TRPS1: variants seen among roughly 807,000 people sequenced by gnomAD.
TRPS1 encodes the protein transcriptional repressor GATA binding 1, also known as zinc finger transcription factor Trps1.
TRPS1 carries 6 observed loss-of-function variants against 101.2 expected under a neutral mutation model. That is an observed-to-expected ratio of 0.06 (90% CI 0.03 to 0.12). TRPS1 has a LOEUF of 0.12. Among genes scored for constraint, TRPS1 ranks in the 10% least tolerant of loss-of-function variants. The pLI is 1.00. For synonymous variants in TRPS1, 578 were observed against 589.8 expected (o/e 0.98, Z 0.29); for missense variants, 1,363 against 1,567.0 (o/e 0.87, Z 2.20).
rs745619353 is a variant in TRPS1, at chr8:115,414,479, G to A, written c.3429C>T (p.His1143=). Residue 1143 remains histidine, a synonymous_variant, in exon 7 of 7, where the codon CAC becomes CAT. Coordinates refer to ENST00000395715, the MANE Select transcript of TRPS1 (RefSeq NM_014112.5). The surrounding 1 kb of genome is among the most constrained non-coding windows in gnomAD (Gnocchi z 4.8). ...SVPGNPHYLS[H]VPGLPNPCQN... ...GGCAAGGATTTGGTAGGCCAGGCAC[G>A]TGACTCAAGTAGTGCGGATTCCCAG... 5.0e-6 allele frequency: 8 copies of A among 1,613,940 alleles called. No individual in the cohort carries two copies. The highest frequency in any genetic ancestry group is 6.8e-6 in the Non-Finnish European group (8 of 1,179,948).
intron 1 of TRPS1, among the ~76,000 whole-genome samples, chr8:115,624,764 A>T (rs1232120085): frequency 6.6e-6 from 1 of 151,890 alleles, no homozygotes; most frequent in African/African-American, 2.4e-5. Context: ...ATTAGAGCTT[A>T]AAAATAATTC....
At chr8:115,505,871 G>A (rs903415678) in intron 5 of TRPS1, among the ~76,000 whole-genome samples, 2 of 152,028 alleles carry the variant, frequency 1.3e-5, no homozygotes, top group African/African-American at 4.8e-5. Context: ...TTTTTTAAAT[G>A]TGTATGTTTA....
In TRPS1 at chr8:115,450,074, G is replaced by A. The variant is rs144124239; in HGVS notation, c.2701-31622C>T. On this transcript the variant is annotated intron_variant, in intron 5 of 6. Coordinates refer to ENST00000395715, the MANE Select transcript of TRPS1 (RefSeq NM_014112.5). ...TAAACAAATTAGAGTATATAGGAACGTGATGCAACTACACACAGTCACATC... is the reference window on the plus strand; with the variant it reads ...TAAACAAATTAGAGTATATAGGAACATGATGCAACTACACACAGTCACATC... 1.5e-4 allele frequency among the ~76,000 whole-genome samples: 23 copies of A among 152,156 alleles called. No homozygotes were observed. In the East Asian group the frequency reaches 3.3e-3, roughly 22 times the overall value.
At chr8:115,511,548 T>A (rs908949977) in intron 5 of TRPS1, among the ~76,000 whole-genome samples, 1 of 151,866 alleles carries the variant, frequency 6.6e-6, no homozygotes, top group Admixed American at 6.6e-5. Flanking sequence ...TAACAAGCTA[T>A]CAATTTTGGA....
At chr8:115,517,529 A>T (rs914134326) in intron 5 of TRPS1, among the ~76,000 whole-genome samples, 2 of 149,408 alleles carry the variant, frequency 1.3e-5, no homozygotes, top group African/African-American at 2.5e-5. Flanking sequence ...GCTAATTAGT[A>T]ACATTAAAAT....
At chr8:115,486,256 A>C (rs1479815869) in intron 5 of TRPS1, among the ~76,000 whole-genome samples, 1 of 152,194 alleles carries the variant, frequency 6.6e-6, no homozygotes, top group Non-Finnish European at 1.5e-5. Flanking sequence ...TGTGCTACGA[A>C]CCACACTCAT....
chr8:115,527,037 AAG>A (rs1240011668), intron 5 of TRPS1, among the ~76,000 whole-genome samples: 1 of 152,144 alleles, frequency 6.6e-6, no homozygotes, highest in Non-Finnish European at 1.5e-5. Context: ...TTGGGAACAT[AAG>A]ACTGTGCAAT....
intron 1 of TRPS1, among the ~76,000 whole-genome samples, chr8:115,630,361 A>G (rs534178433): frequency 1.3e-5 from 2 of 152,072 alleles, no homozygotes; most frequent in East Asian, 3.9e-4. Flanking sequence ...CTATCTAAAC[A>G]TACACAGAGC....
At chr8:115,643,529 A>G (rs1818950145) in intron 1 of TRPS1, among the ~76,000 whole-genome samples, 1 of 152,200 alleles carries the variant, frequency 6.6e-6, no homozygotes, top group Non-Finnish European at 1.5e-5. Context: ...TTTTATCAGG[A>G]GATTGCAGCA....
At chr8:115,606,568 G>A (rs1818042292) in intron 3 of TRPS1, among the ~76,000 whole-genome samples, 1 of 152,062 alleles carries the variant, frequency 6.6e-6, no homozygotes, top group Non-Finnish European at 1.5e-5. Context: ...CAGCCAGAAA[G>A]CTAAGAATGG....
Position 115,418,492 on chromosome 8 carries a change from C to T in TRPS1, c.2701-40G>A. 2 of 1,613,916 alleles carry T rather than the reference C, an allele frequency of 1.2e-6. No homozygotes were observed. Among genetic ancestry groups the T allele is most frequent in the Non-Finnish European group, 1.7e-6 (2 of 1,179,874 alleles). The stretch of plus-strand genomic sequence containing the variant: ...AAAAACCAAGGTCAGAGGTGAGTCA[C>T]ATGATCAGTGGAGTTAGACCAAATC... On this transcript the variant is annotated intron_variant, in intron 5 of 6. Transcript: ENST00000395715. This position sits in a 1 kb window ranked among gnomAD's most constrained non-coding sequence, Gnocchi z 4.3.
chr8:115,433,178 TG>T (rs1813364546), intron 5 of TRPS1, among the ~76,000 whole-genome samples: 1 of 152,056 alleles, frequency 6.6e-6, no homozygotes, highest in African/African-American at 2.4e-5. Context: ...TTGAATGTTC[TG>T]ATTTTTAAAC....
chr8:115,431,989 T>C (rs1314364545), intron 5 of TRPS1, among the ~76,000 whole-genome samples: 1 of 151,836 alleles, frequency 6.6e-6, no homozygotes. Context: ...TGTATAGGCA[T>C]ATACACATAT....
At chr8:115,617,243 C>G (rs2130526275) in intron 3 of TRPS1, among the ~76,000 whole-genome samples, 1 of 152,262 alleles carries the variant, frequency 6.6e-6, no homozygotes, top group East Asian at 1.9e-4. Context: ...CTCTTTCCTA[C>G]CACTTTTTGT....
At chr8:115,545,832 G>A (rs956192971) in intron 5 of TRPS1, among the ~76,000 whole-genome samples, 4 of 151,914 alleles carry the variant, frequency 2.6e-5, no homozygotes, top group African/African-American at 9.7e-5. Context: ...TTTATTTCAA[G>A]AACAGATTCA....
intron 3 of TRPS1, among the ~76,000 whole-genome samples, chr8:115,611,790 A>G (rs980180444): frequency 2.0e-5 from 3 of 152,228 alleles, no homozygotes; most frequent in Non-Finnish European, 4.4e-5. Context: ...GGAATATGGT[A>G]CATAACGGTG....
rs562624178 is a variant in TRPS1 at position 115,525,984 on chromosome 8, T to C, written c.2700+61017A>G. Reference sequence around the variant, plus strand: ...CACTGGCAGAGTACATGCTGAAAAATACTGTTGGGCAATAAATTATTTGCA... The same window carrying C: ...CACTGGCAGAGTACATGCTGAAAAACACTGTTGGGCAATAAATTATTTGCA... On this transcript the variant is annotated intron_variant, in intron 5 of 6. Transcript: ENST00000395715. 3.3e-5 allele frequency among the ~76,000 whole-genome samples: 5 copies of C among 152,236 alleles called. No homozygotes were observed. The East Asian group carries it at 9.7e-4, about 29-fold the overall frequency.
At chr8:115,554,353 G>T (rs184920236) in intron 5 of TRPS1, among the ~76,000 whole-genome samples, 4 of 152,160 alleles carry the variant, frequency 2.6e-5, no homozygotes, top group Admixed American at 6.5e-5. Flanking sequence ...AGACATCCAG[G>T]CCCTACCTAG....
At chr8:115,519,571 T>C (rs1389798360) in intron 5 of TRPS1, among the ~76,000 whole-genome samples, 1 of 151,524 alleles carries the variant, frequency 6.6e-6, no homozygotes, top group Non-Finnish European at 1.5e-5. Context: ...TTTTTTCCAG[T>C]GTATTTAGTA....
Sources: gnomAD v4.1 joint callset for allele counts (sites outside exome capture counted in the v4.1 genomes callset) on GRCh38, gnomAD v4.1.1 for gene constraint, Gnocchi (gnomAD v3.1) non-coding constraint, MANE v1.5 for transcripts, NCBI Gene and HGNC (gene_info 2026-07-23, HGNC 2026-07-21) for gene names.